EFCAB6: variants seen among roughly 807,000 people sequenced by gnomAD.
EFCAB6 encodes EF-hand calcium binding domain 6, also known as EF-hand calcium-binding domain-containing protein 6.
Under a neutral mutation model 169.8 loss-of-function variants are expected in EFCAB6, and 156 were observed. That is an observed-to-expected ratio of 0.92 (90% confidence interval 0.81 to 1.05). The LOEUF is 1.05. Ranked by LOEUF, EFCAB6 falls within the 50% of genes least tolerant of loss-of-function variation. The probability of loss-of-function intolerance (pLI) is 0.00; values close to 1 mark genes in which losing one functional copy is unlikely to be tolerated. For missense variants in EFCAB6, 1,800 were observed against 1,829.1 expected (o/e 0.98, Z 0.29); for synonymous variants, 698 against 676.4 (o/e 1.03, Z -0.50).
rs1422966991 is a variant in EFCAB6 at position 43,600,034 on chromosome 22, T to C, written c.2876+35A>G. ...GTGAGGCCAGATGTAAAAGGGGACT[T>C]CTAGATGATGGCCCCGTGATCCTTC... On this transcript the variant is annotated intron_variant, in intron 23 of 31. Transcript: ENST00000262726. 1.8e-5 allele frequency: 28 copies of C among 1,598,386 alleles called. No homozygotes were observed. In the Admixed American group the frequency reaches 4.9e-4, roughly 28 times the overall value.
chr22:43,766,934 A>G (rs1263629873), intron 4 of EFCAB6, among the ~76,000 whole-genome samples: 5 of 152,218 alleles, frequency 3.3e-5, no homozygotes, highest in African/African-American at 7.2e-5. Flanking sequence ...ATCTTGGCTC[A>G]CTGCAACCTC....
At chr22:43,694,184 G>C (rs1379980695) in intron 10 of EFCAB6, among the ~76,000 whole-genome samples, 1 of 151,894 alleles carries the variant, frequency 6.6e-6, no homozygotes, top group Non-Finnish European at 1.5e-5. Context: ...TGATACATAT[G>C]TACTTGGAGT....
At chr22:43,611,536 C>T (rs1325096158) in intron 21 of EFCAB6, among the ~76,000 whole-genome samples, 3 of 152,186 alleles carry the variant, frequency 2.0e-5, no homozygotes, top group East Asian at 3.8e-4. Flanking sequence ...GTGGCTCACA[C>T]CTATAATCCC....
chr22:43,560,972 A>G (rs542051640), intron 26 of EFCAB6, among the ~76,000 whole-genome samples: 1 of 152,314 alleles, frequency 6.6e-6, no homozygotes, highest in Non-Finnish European at 1.5e-5. Context: ...CTGGGCACCT[A>G]TCAGCCTCCA....
At chr22:43,731,246 G>A (rs1183542193) in intron 8 of EFCAB6, among the ~76,000 whole-genome samples, 1 of 152,124 alleles carries the variant, frequency 6.6e-6, no homozygotes, top group Non-Finnish European at 1.5e-5. Flanking sequence ...ACCTGGCTTT[G>A]CTTGTCTAAC....
chr22:43,668,990 A>G lies in EFCAB6; in HGVS notation c.1696T>C (p.Leu566=). The G allele has an allele frequency of 1.9e-6, 3 of 1,612,530 alleles. No homozygotes were observed. The highest frequency in any genetic ancestry group is 1.7e-5 in the Admixed American group (1 of 59,796). Reference sequence around the variant, plus strand: ...GGGCCATCAATTCCTATGCATGCCAAAAGTTTCTTGTAAAGGATTCTTCCT... The same window carrying G: ...GGGCCATCAATTCCTATGCATGCCAGAAGTTTCTTGTAAAGGATTCTTCCT... The part of the protein sequence containing the change: ...GSGRILYKKL[L]ACIGIDGPPT... The change falls in exon 16 of 32, where the codon TTG becomes CTG. Residue 566 remains leucine (L), a synonymous_variant. Transcript: ENST00000262726.
intron 20 of EFCAB6, among the ~76,000 whole-genome samples, chr22:43,618,113 C>A (rs1602642981): frequency 1.3e-5 from 1 of 78,308 alleles, no homozygotes; most frequent in Non-Finnish European, 2.6e-5. Context: ...AAAAAAAAAT[C>A]TCAAAAAAAA....
At chr22:43,757,612 TC>T (rs2061005046) in intron 5 of EFCAB6, among the ~76,000 whole-genome samples, 1 of 152,124 alleles carries the variant, frequency 6.6e-6, no homozygotes, top group African/African-American at 2.4e-5. Context: ...CCCGCCCCCA[TC>T]CAGCTGCAGC....
Position 43,534,889 on chromosome 22 carries a change from C to G in EFCAB6, c.4049-17G>C, listed in dbSNP as rs561172867. 4.4e-6 allele frequency: 7 copies of G among 1,590,448 alleles called. No homozygotes were observed. Among genetic ancestry groups the G allele is most frequent in the African/African-American group, 1.4e-5 (1 of 73,858 alleles). On this transcript the variant is annotated splice_polypyrimidine_tract_variant and intron_variant, in intron 29 of 31. Transcript: ENST00000262726. ...CCACAAGAGCTACAGAAAAAAATGG[C>G]AGTTCAATTGGTGGCGATTCATTCA...
At chr22:43,541,567 G>A (rs1281470997) in intron 27 of EFCAB6, among the ~76,000 whole-genome samples, 1 of 150,340 alleles carries the variant, frequency 6.7e-6, no homozygotes, top group Non-Finnish European at 1.5e-5. Flanking sequence ...GTGTAGATTC[G>A]TGTTGATTGC....
intron 6 of EFCAB6, among the ~76,000 whole-genome samples, chr22:43,747,529 A>G (rs936239041): frequency 5.9e-5 from 9 of 152,180 alleles, no homozygotes; most frequent in African/African-American, 1.9e-4. Flanking sequence ...TCAACAATGT[A>G]GAATATGTTG....
At chr22:43,636,882 C>A (rs1027859254) in intron 17 of EFCAB6, among the ~76,000 whole-genome samples, 1 of 152,090 alleles carries the variant, frequency 6.6e-6, no homozygotes, top group African/African-American at 2.4e-5. Flanking sequence ...AATGCTGAGA[C>A]ATGAGCCACC....
At chr22:43,778,515 C>T (rs1569484244) in intron 3 of EFCAB6, among the ~76,000 whole-genome samples, 1 of 152,144 alleles carries the variant, frequency 6.6e-6, no homozygotes, top group Non-Finnish European at 1.5e-5. Context: ...CACAGATGTT[C>T]CCAGGTGCAG....
chr22:43,568,128 C>T (rs2049573039), intron 26 of EFCAB6, among the ~76,000 whole-genome samples: 2 of 152,222 alleles, frequency 1.3e-5, no homozygotes, highest in Admixed American at 1.3e-4. Context: ...AAATGAGGCT[C>T]ATTGTCCCCA....
At chr22:43,540,498 T>A in intron 27 of EFCAB6, 141 bp from the exon 28 acceptor site, 2 of 1,534,292 alleles carry the variant, frequency 1.3e-6, no homozygotes, top group Non-Finnish European at 1.7e-6. Context: ...ATTAAAAAAA[T>A]AAAACGCCCA....
chr22:43,701,279 T>C (rs1401843887), intron 10 of EFCAB6, among the ~76,000 whole-genome samples: 2 of 152,222 alleles, frequency 1.3e-5, no homozygotes, highest in Non-Finnish European at 2.9e-5. Context: ...TAATTCATTG[T>C]TCTTAGTCCA....
chr22:43,573,895 A>G (rs1422864929), intron 26 of EFCAB6, among the ~76,000 whole-genome samples: 8 of 152,342 alleles, frequency 5.3e-5, no homozygotes, highest in African/African-American at 1.9e-4. Flanking sequence ...CTTAAATCAT[A>G]TGAAATTGTC....
intron 19 of EFCAB6, among the ~76,000 whole-genome samples, chr22:43,630,473 G>C (rs541670919): frequency 8.7e-4 from 133 of 152,354 alleles, no homozygotes; most frequent in African/African-American, 3.0e-3. Flanking sequence ...CAACGATGTA[G>C]CGTGGAGCTG....
rs571019421 is a variant in EFCAB6 at position 43,529,340 on chromosome 22, G to A, written c.4384-365C>T. Among the ~76,000 whole-genome samples the A allele has an allele frequency of 9.8e-5, 15 of 152,344 alleles. No homozygotes were observed. In the South Asian group the frequency reaches 2.3e-3, roughly 23 times the overall value. ...AACTTGGGGCAGAGCCTCAGGGTGC[G>A]CCCAGGCAGGGGAGGGCAGGGCCAG... On this transcript the variant is annotated intron_variant, in intron 31 of 31. Coordinates refer to ENST00000262726, the MANE Select transcript of EFCAB6 (RefSeq NM_022785.4).
Sources: gnomAD v4.1 joint callset for allele counts (sites outside exome capture counted in the v4.1 genomes callset) on GRCh38, gnomAD v4.1.1 for gene constraint, MANE v1.5 for transcripts, NCBI Gene and HGNC (gene_info 2026-07-23, HGNC 2026-07-21) for gene names.